Variants in MUC7 observed in about 807,000 individuals in gnomAD.
MUC7 encodes mucin-7.
Under a neutral mutation model 2.5 loss-of-function variants are expected in MUC7, and 2 were observed. The ratio of observed to expected loss-of-function variants is 0.81; its 90% CI spans 0.33 to 2.55. The LOEUF (loss-of-function observed/expected upper bound fraction) is 2.55, where lower values mean the gene tolerates loss of function less well. Among genes scored for constraint, MUC7 ranks in the 30% most tolerant of loss-of-function variants. The pLI, the probability that MUC7 is intolerant of heterozygous loss-of-function variation, is 0.11. For synonymous variants in MUC7, 133 were observed against 173.4 expected (o/e 0.77, Z 1.83); for missense variants, 408 against 455.6 (o/e 0.90, Z 0.95).
In MUC7 at chr4:70,436,499, G is replaced by A. The variant is rs561906901; in HGVS notation, c.-93+5812G>A. On this transcript the variant is annotated intron_variant, in intron 1 of 3. Transcript: ENST00000413702. ...CCTTCGCTTGATAAAATCGGCTATT[G>A]AAGCTTGTGTATGCTTCAAAAAGTT... Among the ~76,000 whole-genome samples the A allele has an allele frequency of 3.0e-4, 45 of 151,974 alleles. 1 individual carries two copies. The South Asian group carries it at 7.5e-3, about 25-fold the overall frequency.
chr4:70,480,804 T>C lies in MUC7; in HGVS notation c.60T>C (p.Ser20=), dbSNP rs760097113. 1 of 1,612,508 alleles carries C rather than the reference T, an allele frequency of 6.2e-7. No individual in the cohort carries two copies. The highest frequency in any genetic ancestry group is 8.5e-7 in the Non-Finnish European group (1 of 1,178,788). ...ATTTTCTTTCTTTTCTGCAGTTCAG[T>C]GAAGGTCGAGAAAGGGATCATGAAC... ...ICALSACFSF[S]EGRERDHELR... is the part of the protein sequence containing the mutation. The change falls in exon 3 of 3, where the codon AGT becomes AGC. Residue 20 remains serine (S), a synonymous_variant. Transcript: ENST00000304887.
intron 1 of MUC7, among the ~76,000 whole-genome samples, chr4:70,466,283 C>T (rs1285009258): frequency 6.6e-6 from 1 of 152,118 alleles, no homozygotes; most frequent in Non-Finnish European, 1.5e-5. Context: ...AAGGAATAAC[C>T]AGTACCAGCC....
intron 1 of MUC7, among the ~76,000 whole-genome samples, chr4:70,460,388 TA>T (rs1354314474): frequency 2.0e-5 from 3 of 151,986 alleles, no homozygotes; most frequent in Admixed American, 2.0e-4. Context: ...AGCCAAATAT[TA>T]AGTGAGAAGC....
intron 1 of MUC7, among the ~76,000 whole-genome samples, chr4:70,464,668 A>C (rs1202251622): frequency 6.6e-6 from 1 of 152,136 alleles, no homozygotes; most frequent in African/African-American, 2.4e-5. Flanking sequence ...AAGCTCAGCA[A>C]AGCCACTGTA....
rs528092000 is a variant in MUC7 at position 70,439,124 on chromosome 4, G to C, written c.-93+8437G>C. ...GGGTGAAATGATAGAGATTAAAAAG[G>C]CTAGTTTAGATTGGGTGTTTCAAAA... On this transcript the variant is annotated intron_variant, in intron 1 of 3. Coordinates refer to the MUC7 transcript ENST00000413702. Among the ~76,000 whole-genome samples the C allele has an allele frequency of 4.6e-5, 7 of 152,282 alleles. No individual in the cohort carries two copies. In the South Asian group the frequency reaches 1.5e-3, roughly 32 times the overall value.
intron 2 of MUC7, among the ~76,000 whole-genome samples, chr4:70,477,706 G>A (rs1000092737): frequency 6.6e-6 from 1 of 152,038 alleles, no homozygotes; most frequent in Non-Finnish European, 1.5e-5. Flanking sequence ...CTTAGTCTGA[G>A]ACTCAGTTTT....
intron 1 of MUC7, among the ~76,000 whole-genome samples, chr4:70,436,917 T>C (rs1483298064): frequency 6.6e-6 from 1 of 152,180 alleles, no homozygotes; most frequent in Non-Finnish European, 1.5e-5. Context: ...TTGATGCTAT[T>C]TCTTTCTGTT....
chr4:70,453,604 T>TG (rs1734345470), intron 1 of MUC7, among the ~76,000 whole-genome samples: 1 of 151,266 alleles, frequency 6.6e-6, no homozygotes, highest in Non-Finnish European at 1.5e-5. Context: ...AGAGCCCATT[T>TG]GGTGCTCTAT....
chr4:70,434,006 T>C (rs188124248), intron 1 of MUC7, among the ~76,000 whole-genome samples: 21 of 152,354 alleles, frequency 1.4e-4, no homozygotes, highest in African/African-American at 4.6e-4. Flanking sequence ...TCATTGGTTC[T>C]GTTTACATGA....
intron 1 of MUC7, among the ~76,000 whole-genome samples, chr4:70,441,926 ACT>A (rs1239776173): frequency 6.6e-6 from 1 of 152,224 alleles, no homozygotes; most frequent in African/African-American, 2.4e-5. Flanking sequence ...AAGAAAATAT[ACT>A]GTCTTAAAGG....
At chr4:70,466,817 C>A (rs1734696779) in intron 1 of MUC7, among the ~76,000 whole-genome samples, 1 of 152,060 alleles carries the variant, frequency 6.6e-6, no homozygotes, top group Admixed American at 6.5e-5. Flanking sequence ...TGGGAGACTT[C>A]AACACCACAC....
intron 1 of MUC7, among the ~76,000 whole-genome samples, chr4:70,473,683 G>A (rs1446654095): frequency 6.6e-6 from 1 of 152,114 alleles, no homozygotes; most frequent in Non-Finnish European, 1.5e-5. Flanking sequence ...GAAATAAGAA[G>A]AAAATTATTT....
chr4:70,432,962 C>T (rs1337842515), intron 1 of MUC7, among the ~76,000 whole-genome samples: 1 of 152,192 alleles, frequency 6.6e-6, no homozygotes, highest in South Asian at 2.1e-4. Flanking sequence ...AGCCAGTTTT[C>T]CCGACACCAC....
At chr4:70,434,687 A>T (rs1241081177) in intron 1 of MUC7, among the ~76,000 whole-genome samples, 1 of 152,100 alleles carries the variant, frequency 6.6e-6, no homozygotes, top group African/African-American at 2.4e-5. Flanking sequence ...GATTTTTTGA[A>T]GGGCTTTTTG....
chr4:70,432,983 G>A (rs1733722104), intron 1 of MUC7, among the ~76,000 whole-genome samples: 1 of 152,188 alleles, frequency 6.6e-6, no homozygotes, highest in South Asian at 2.1e-4. Context: ...TTATTACATA[G>A]GGAATCCTTT....
intron 1 of MUC7, among the ~76,000 whole-genome samples, chr4:70,446,302 C>T (rs1320836991): frequency 6.6e-6 from 1 of 152,196 alleles, no homozygotes; most frequent in Non-Finnish European, 1.5e-5. Context: ...AATGCATGCA[C>T]ATTCTGGGTG....
At chr4:70,463,431 T>A (rs1263348638) in intron 1 of MUC7, among the ~76,000 whole-genome samples, 1 of 152,234 alleles carries the variant, frequency 6.6e-6, no homozygotes, top group African/African-American at 2.4e-5. Context: ...TAGTTGTGGC[T>A]ATAGCAAATG....
At chr4:70,457,809 T>C (rs1345238495) in intron 1 of MUC7, among the ~76,000 whole-genome samples, 1 of 152,132 alleles carries the variant, frequency 6.6e-6, no homozygotes, top group Non-Finnish European at 1.5e-5. Context: ...TTAATAACTC[T>C]ATAACCATTA....
chr4:70,457,516 G>T (rs1230014898), intron 1 of MUC7, among the ~76,000 whole-genome samples: 3 of 151,734 alleles, frequency 2.0e-5, no homozygotes, highest in African/African-American at 7.3e-5. Context: ...GCCAAAAGTA[G>T]AAAATTAATA....
Sources: gnomAD v4.1 joint callset for allele counts (sites outside exome capture counted in the v4.1 genomes callset) on GRCh38, gnomAD v4.1.1 for gene constraint, MANE v1.5 for transcripts, NCBI Gene and HGNC (gene_info 2026-07-23, HGNC 2026-07-21) for gene names.